The following SCARA3 variants were observed in gnomAD, a reference collection of about 807,000 sequenced individuals.
SCARA3 encodes the protein cellular stress response gene protein.
In SCARA3, 39 loss-of-function variants were observed where a neutral mutation model predicts 47.0. The observed-to-expected ratio is 0.83, with a 90% CI of 0.64 to 1.08. The LOEUF is 1.08. SCARA3 is among the 50% of genes least tolerant of loss of function. The pLI, the probability that SCARA3 is intolerant of heterozygous loss-of-function variation, is 0.00. For missense variants in SCARA3, 724 were observed against 792.3 expected (o/e 0.91, Z 1.04); for synonymous variants, 356 against 334.1 (o/e 1.07, Z -0.71).
the SCARA3 span, among the ~76,000 whole-genome samples, chr8:27,726,700 CAA>C: frequency 8.4e-4 from 126 of 150,878 alleles, no homozygotes; most frequent in Non-Finnish European, 1.4e-3. Flanking sequence ...AACTCCGTCT[CAA>C]AAAAAATAAA....
the SCARA3 span, among the ~76,000 whole-genome samples, chr8:27,687,927 A>G: frequency 6.6e-6 from 1 of 151,910 alleles, no homozygotes; most frequent in Admixed American, 6.6e-5. Flanking sequence ...GAGGTGGGAG[A>G]ATTGCTTGAA....
At chr8:27,727,312 C>A in the SCARA3 span, among the ~76,000 whole-genome samples, 1 of 152,150 alleles carries the variant, frequency 6.6e-6, no homozygotes, top group African/African-American at 2.4e-5. Flanking sequence ...GCTTTGAAAC[C>A]CCCCTTGAAG....
chr8:27,663,688 G>A (rs1156427750), intron 5 of SCARA3, among the ~76,000 whole-genome samples: 1 of 152,194 alleles, frequency 6.6e-6, no homozygotes, highest in African/African-American at 2.4e-5. Context: ...GAGAATGGGA[G>A]GGCTGCTTCA....
At chr8:27,694,300 G>A in the SCARA3 span, among the ~76,000 whole-genome samples, 1 of 152,098 alleles carries the variant, frequency 6.6e-6, no homozygotes, top group South Asian at 2.1e-4. Flanking sequence ...GCTTAGCAAA[G>A]GTAGTTCTCT....
downstream of SCARA3, among the ~76,000 whole-genome samples, chr8:27,673,609 C>T (rs1802216164): frequency 6.6e-6 from 1 of 152,098 alleles, no homozygotes; most frequent in Admixed American, 6.5e-5. Context: ...GAGGATGGGG[C>T]CAAACATGGC....
the SCARA3 span, among the ~76,000 whole-genome samples, chr8:27,725,977 G>A: frequency 1.4e-3 from 214 of 152,328 alleles, no homozygotes; most frequent in African/African-American, 4.0e-3. Context: ...GCAGGTAGAA[G>A]TCACTGTGAG....
the SCARA3 span, among the ~76,000 whole-genome samples, chr8:27,699,508 G>T: frequency 2.4e-4 from 37 of 152,002 alleles, no homozygotes; most frequent in Admixed American, 2.4e-3. Flanking sequence ...CCAGGCCTCG[G>T]CAGCCTTGTT....
At chr8:27,697,706 C>T in the SCARA3 span, among the ~76,000 whole-genome samples, 1 of 152,150 alleles carries the variant, frequency 6.6e-6, no homozygotes, top group African/African-American at 2.4e-5. Context: ...GTGTGGTTTC[C>T]TCATACTGTT....
Position 27,633,931 on chromosome 8 carries a change from G to A in SCARA3, c.-270G>A, listed in dbSNP as rs1054597034. On this transcript the variant is annotated 5_prime_UTR_variant, in exon 1 of 6. Coordinates refer to ENST00000301904, the MANE Select transcript of SCARA3 (RefSeq NM_016240.3). ...CTCGCGGGGCCCCAGCGGGAAGCGC[G>A]GGCGGCGGCGGGATGCGCGCTCTGG... The A allele has an allele frequency of 6.2e-6, 1 of 161,764 alleles. No homozygotes were observed. Among genetic ancestry groups the A allele is most frequent in the African/African-American group, 2.4e-5 (1 of 41,380 alleles). 10.0% of individuals were successfully genotyped at this position (161,764 alleles called of 1,614,324 possible). A position where few individuals can be genotyped will look rare whatever the true frequency, so the allele number is the denominator to read the frequency against.
intron 3 of SCARA3, among the ~76,000 whole-genome samples, 159 bp from the exon 4 acceptor site, chr8:27,656,623 C>T (rs944012820): frequency 2.0e-5 from 3 of 151,934 alleles, no homozygotes; most frequent in African/African-American, 7.3e-5. Flanking sequence ...AAACTCTGGC[C>T]ATAAGAAGTA....
intron 3 of SCARA3, among the ~76,000 whole-genome samples, chr8:27,653,789 T>C (rs1461782814): frequency 6.6e-6 from 1 of 152,194 alleles, no homozygotes; most frequent in African/African-American, 2.4e-5. Context: ...CTGGGCAGTA[T>C]ACTGCTTAGT....
chr8:27,691,759 A>G, the SCARA3 span, among the ~76,000 whole-genome samples: 4 of 151,872 alleles, frequency 2.6e-5, no homozygotes, highest in Non-Finnish European at 5.9e-5. Context: ...CATTACTCAA[A>G]TCTCTGATCC....
intron 4 of SCARA3, 42 bp from the exon 5 acceptor site, chr8:27,658,454 T>TG: frequency 6.6e-7 from 1 of 1,516,242 alleles, no homozygotes; most frequent in Non-Finnish European, 8.9e-7. Context: ...CGTCGTACCC[T>TG]GGCCCTTCAG....
chr8:27,681,107 A>G (rs1017887513), downstream of SCARA3, among the ~76,000 whole-genome samples: 1 of 152,226 alleles, frequency 6.6e-6, no homozygotes, highest in African/African-American at 2.4e-5. Flanking sequence ...GACTCTTACA[A>G]CTTACAGCCA....
At chr8:27,666,870 C>G (rs1802027754) in intron 5 of SCARA3, among the ~76,000 whole-genome samples, 1 of 152,098 alleles carries the variant, frequency 6.6e-6, no homozygotes. Flanking sequence ...CTCCATGGTC[C>G]CAGACGTGAG....
chr8:27,727,536 G>A, the SCARA3 span, among the ~76,000 whole-genome samples: 1 of 152,094 alleles, frequency 6.6e-6, no homozygotes, highest in Non-Finnish European at 1.5e-5. Flanking sequence ...CTAAATCCAG[G>A]AAAATCAGAA....
At position 27,633,959 on chromosome 8, in the gene SCARA3, G is replaced by A. The variant is rs1256427806; in HGVS notation, c.-242G>A. Reference sequence around the variant, plus strand: ...CGGCGGCGGGATGCGCGCTCTGGGCGGCGGGGCGCGGCGCTAGGCGCCCGG... The same window carrying A: ...CGGCGGCGGGATGCGCGCTCTGGGCAGCGGGGCGCGGCGCTAGGCGCCCGG... On this transcript the variant is annotated 5_prime_UTR_variant, in exon 1 of 6. Coordinates refer to ENST00000301904, the MANE Select transcript of SCARA3 (RefSeq NM_016240.3). 2 of 187,424 alleles carry A rather than the reference G, an allele frequency of 1.1e-5. No homozygotes were observed. The highest frequency in any genetic ancestry group is 2.4e-5 in the African/African-American group (1 of 41,982). 11.6% of individuals were successfully genotyped at this position (187,424 alleles called of 1,614,324 possible).
Position 27,651,499 on chromosome 8 carries a change from C to T in SCARA3, c.107-9C>T. Reference sequence around the variant, plus strand: ...GCCTAAGCCATTGTCCTCCTTGTGTCCCCCACAGGCCGGCCAGGGCCCCGC... The same window carrying T: ...GCCTAAGCCATTGTCCTCCTTGTGTTCCCCACAGGCCGGCCAGGGCCCCGC... On this transcript the variant is annotated splice_polypyrimidine_tract_variant and intron_variant, in intron 2 of 5. Coordinates refer to ENST00000301904, the MANE Select transcript of SCARA3 (RefSeq NM_016240.3). 1.2e-6 allele frequency: 2 copies of T among 1,610,176 alleles called. No homozygotes were observed. The highest frequency in any genetic ancestry group is 1.7e-6 in the Non-Finnish European group (2 of 1,179,772).
chr8:27,658,738 G>A lies in SCARA3; in HGVS notation c.568G>A (p.Ala190Thr). Residue 190 changes from alanine (A) to threonine (T), a missense_variant, in exon 5 of 6, where the codon GCC (alanine) becomes ACC (threonine). Transcript: ENST00000301904. ...TAACCAGTCTCTGGGGCTCTTCCTG[G>A]CCCAGGTGAGAGGCTGGCAGGCCAC... is the stretch of plus-strand genomic sequence containing the variant. Reference protein sequence around the residue: ...QVNQSLGLFLAQVRGWQATTA... With the variant: ...QVNQSLGLFLTQVRGWQATTA... 6.2e-7 allele frequency: 1 copy of A among 1,614,114 alleles called. No individual in the cohort carries two copies. Among genetic ancestry groups the A allele is most frequent in the Non-Finnish European group, 8.5e-7 (1 of 1,179,998 alleles).
Sources: allele counts gnomAD v4.1 joint callset (sites outside exome capture counted in the v4.1 genomes callset), GRCh38; gene constraint gnomAD v4.1.1; transcripts MANE v1.5; gene names NCBI Gene and HGNC (gene_info 2026-07-23, HGNC 2026-07-21).